Variants in ALAS2 observed in about 807,000 individuals in gnomAD.
ALAS2 encodes the protein 5-aminolevulinate synthase, erythroid-specific, mitochondrial.
Under a neutral mutation model 33.7 loss-of-function variants are expected in ALAS2, and 3 were observed. That is an observed-to-expected ratio of 0.09 (90% confidence interval 0.04 to 0.23). The LOEUF (loss-of-function observed/expected upper bound fraction) is 0.23, where lower values mean the gene tolerates loss of function less well. Among genes scored for constraint, ALAS2 ranks in the 10% least tolerant of loss-of-function variants. The probability of loss-of-function intolerance (pLI) is 1.00; values close to 1 mark genes in which losing one functional copy is unlikely to be tolerated. For synonymous variants in ALAS2, 191 were observed against 177.3 expected, an observed-to-expected ratio of 1.08 and a Z score of -0.61; for missense variants, 304 against 475.1, an observed-to-expected ratio of 0.64 and a Z score of 3.35.
intron 6 of ALAS2, among the ~76,000 whole-genome samples, chrX:55,019,142 AG>A (rs1393563996): frequency 9.3e-6 from 1 of 107,787 alleles, no homozygotes; most frequent in Non-Finnish European, 1.9e-5. Context: ...GAGAGTGATC[AG>A]GGGTTGAGGC....
chrX:55,028,262 C>T (rs928461359), intron 1 of ALAS2, among the ~76,000 whole-genome samples: 4 of 110,945 alleles, frequency 3.6e-5, no homozygotes, highest in African/African-American at 9.8e-5. Context: ...GAGACCAGGG[C>T]GTGGGAGAGA....
intron 1 of ALAS2, 27 bp from the exon 2 acceptor site, chrX:55,026,042 T>G: frequency 4.0e-5 from 47 of 1,164,963 alleles, no homozygotes; most frequent in Non-Finnish European, 5.5e-5. Flanking sequence ...AGAGATGAGG[T>G]TCCATCATGA....
chrX:55,015,979 G>C (rs1288210115), intron 7 of ALAS2, among the ~76,000 whole-genome samples: 21 of 102,927 alleles, frequency 2.0e-4, no homozygotes, highest in African/African-American at 7.7e-4. Flanking sequence ...GTGTGTGTGT[G>C]TGTGTGTGTG....
rs1935557511 is a variant in ALAS2 at position 55,009,298 on chromosome X, T to C, written c.1646A>G (p.Asp549Gly). 8.3e-7 allele frequency: 1 copy of C among 1,202,375 alleles called. No homozygotes were observed. Among genetic ancestry groups the C allele is most frequent in the African/African-American group, 1.8e-5 (1 of 56,672 alleles). Residue 549 changes from aspartate to glycine, a missense_variant, in exon 11 of 11, where the codon GAT becomes GGT. Physicochemically the swap from Asp to Gly is moderately conservative, Grantham distance 94 (BLOSUM62 -1). This residue lies in a region of ALAS2 where 95 missense variants were observed against 127.0 expected (regional missense o/e 0.75). Coordinates refer to ENST00000650242, the MANE Select transcript of ALAS2 (RefSeq NM_000032.5). Reference protein sequence around the residue: ...AWTAVGLPLQDVSVAACNFCR... With the variant: ...AWTAVGLPLQGVSVAACNFCR... ...GAAATTGCAGGCAGCCACAGACACA[T>C]CCTGGAGGGGCAGCCCCACCGCAGT... is the stretch of plus-strand genomic sequence containing the variant.
At chrX:55,026,953 TGTG>T (rs945878947) in intron 1 of ALAS2, among the ~76,000 whole-genome samples, 3 of 109,070 alleles carry the variant, frequency 2.8e-5, no homozygotes, top group South Asian at 8.0e-4. Flanking sequence ...AGAACAAAGA[TGTG>T]GTGGTGGTGG....
chrX:55,012,630 T>C (rs754774421), intron 10 of ALAS2, among the ~76,000 whole-genome samples: 1 of 110,906 alleles, frequency 9.0e-6, no homozygotes, highest in Non-Finnish European at 1.9e-5. Flanking sequence ...CTACTAAAAA[T>C]ACAGAAATTA....
At chrX:55,009,802 T>G (rs1381511977) in intron 10 of ALAS2, among the ~76,000 whole-genome samples, 2 of 111,887 alleles carry the variant, frequency 1.8e-5, no homozygotes, top group Admixed American at 1.9e-4. Flanking sequence ...CCAGGTACGT[T>G]CCAGGGCTCT....
At chrX:55,027,812 T>C (rs1183034494) in intron 1 of ALAS2, 1 of 1,210,952 alleles carries the variant, frequency 8.3e-7, no homozygotes. Context: ...TCTCATGGGC[T>C]GTCACAGCAG....
intron 1 of ALAS2, among the ~76,000 whole-genome samples, chrX:55,028,501 G>A (rs967001784): frequency 9.0e-6 from 1 of 111,425 alleles, no homozygotes; most frequent in Non-Finnish European, 1.9e-5. Context: ...TCCTGCCTTG[G>A]GATGGTGGAG....
intron 10 of ALAS2, among the ~76,000 whole-genome samples, chrX:55,009,669 C>G (rs1006057931): frequency 9.0e-6 from 1 of 110,857 alleles, no homozygotes; most frequent in Non-Finnish European, 1.9e-5. Flanking sequence ...CCTATGAGGA[C>G]AATGATAATG....
At chrX:55,009,676 A>G (rs946282534) in intron 10 of ALAS2, among the ~76,000 whole-genome samples, 3 of 110,771 alleles carry the variant, frequency 2.7e-5, no homozygotes, top group Non-Finnish European at 3.8e-5. Context: ...GGACAATGAT[A>G]ATGACAGTAA....
chrX:55,022,104 G>C (rs1935813786), intron 4 of ALAS2, among the ~76,000 whole-genome samples: 1 of 111,690 alleles, frequency 9.0e-6, no homozygotes, highest in African/African-American at 3.3e-5. Flanking sequence ...ACAAAATGGG[G>C]TAACTTTATT....
At chrX:55,020,782 T>TA (rs1441476000) in intron 5 of ALAS2, among the ~76,000 whole-genome samples, 1 of 111,659 alleles carries the variant, frequency 9.0e-6, no homozygotes, top group Non-Finnish European at 1.9e-5. Flanking sequence ...CTGGCAATAC[T>TA]AATTCTGCAG....
At chrX:55,019,699 G>A (rs1055509021) in intron 6 of ALAS2, among the ~76,000 whole-genome samples, 3 of 111,588 alleles carry the variant, frequency 2.7e-5, no homozygotes, top group Non-Finnish European at 5.6e-5. Context: ...GGGCCTTGGC[G>A]GAAGGACAAC....
chrX:55,009,192 G>A lies in ALAS2; in HGVS notation c.1752C>T (p.Thr584=). Residue 584 remains threonine (T), a synonymous_variant, in exon 11 of 11, where the codon ACC becomes ACT. Coordinates refer to ENST00000650242, the MANE Select transcript of ALAS2 (RefSeq NM_000032.5). ...GGCAGCTGGCTTCTCAGGCATAGGT[G>A]GTGACATACTGGGGCCCCATGTTCC... is the stretch of plus-strand genomic sequence containing the variant. ...YFGNMGPQYV[T]TYA The A allele has an allele frequency of 8.3e-7, 1 of 1,208,463 alleles. No individual in the cohort carries two copies. The highest frequency in any genetic ancestry group is 1.1e-6 in the Non-Finnish European group (1 of 894,041).
At chrX:55,012,879 A>G (rs1157664999) in intron 10 of ALAS2, among the ~76,000 whole-genome samples, 3 of 111,971 alleles carry the variant, frequency 2.7e-5, no homozygotes, top group African/African-American at 9.7e-5. Context: ...CTAAACTGGC[A>G]TTTTCAGGGT....
At position 55,015,757 on chromosome X, in the gene ALAS2, G is replaced by A. The variant is rs1490178364; in HGVS notation, c.1004-15C>T. On this transcript the variant is annotated splice_polypyrimidine_tract_variant and intron_variant, in intron 7 of 10. Coordinates refer to ENST00000650242, the MANE Select transcript of ALAS2 (RefSeq NM_000032.5). ...ACAGATGGCACCTGAGCAAAGCCAA[G>A]GGATAGAGGTAGGACATCATAACCC... 3 of 1,209,754 alleles carry A rather than the reference G, an allele frequency of 2.5e-6. No individual in the cohort carries two copies. The highest frequency in any genetic ancestry group is 1.1e-6 in the Non-Finnish European group (1 of 894,161).
chrX:55,018,339 C>T (rs1010749733), intron 6 of ALAS2, among the ~76,000 whole-genome samples: 1 of 111,166 alleles, frequency 9.0e-6, no homozygotes, highest in Non-Finnish European at 1.9e-5. Flanking sequence ...CTCCCCAACC[C>T]CTGCCACCAA....
chrX:55,010,943 G>C (rs1032576181), intron 10 of ALAS2, among the ~76,000 whole-genome samples: 2 of 111,706 alleles, frequency 1.8e-5, no homozygotes, highest in Non-Finnish European at 3.8e-5. Context: ...TTGAAAGAAT[G>C]CCTAAGTTAA....
Sources: allele counts gnomAD v4.1 joint callset (sites outside exome capture counted in the v4.1 genomes callset), GRCh38; gene constraint gnomAD v4.1.1; regional missense constraint gnomAD v4.1.1; transcripts MANE v1.5; gene names NCBI Gene and HGNC (gene_info 2026-07-23, HGNC 2026-07-21).